NARS2: variants seen among roughly 807,000 people sequenced by gnomAD.
The protein encoded by NARS2 is asparaginyl-tRNA synthetase.
A neutral mutation model predicts 62.9 loss-of-function variants in NARS2; 60 were observed. That is an observed-to-expected ratio of 0.95 (90% confidence interval 0.77 to 1.18). The LOEUF (loss-of-function observed/expected upper bound fraction) is 1.18, where lower values mean the gene tolerates loss of function less well. Among genes scored for constraint, NARS2 ranks in the 50% most tolerant of loss-of-function variants. The pLI, the probability that NARS2 is intolerant of heterozygous loss-of-function variation, is 0.00. For synonymous variants in NARS2, 196 were observed against 200.0 expected, an observed-to-expected ratio of 0.98 and a Z score of 0.17; for missense variants, 619 against 576.4, an observed-to-expected ratio of 1.07 and a Z score of -0.76.
At chr11:78,494,330 G>C (rs1234549307) in intron 6 of NARS2, among the ~76,000 whole-genome samples, 2 of 152,126 alleles carry the variant, frequency 1.3e-5, no homozygotes, top group Non-Finnish European at 2.9e-5. Context: ...TTAGAACAAA[G>C]CAAGCTGTTT....
At position 78,451,653 on chromosome 11, in the gene NARS2, G is replaced by A. The variant is rs368892689; in HGVS notation, c.1165-7895C>T. 6.6e-5 allele frequency among the ~76,000 whole-genome samples: 10 copies of A among 152,134 alleles called. No individual in the cohort carries two copies. In the East Asian group the frequency reaches 9.6e-4, roughly 15 times the overall value. On this transcript the variant is annotated intron_variant, in intron 11 of 13. Transcript: ENST00000281038. ...GAATTAACTTTGATTAGGGAAAGTG[G>A]GGAAGGTTCATGAATAAATAAAAAG...
At chr11:78,515,136 G>A (rs1238081578) in intron 6 of NARS2, among the ~76,000 whole-genome samples, 4 of 152,176 alleles carry the variant, frequency 2.6e-5, no homozygotes, top group Non-Finnish European at 5.9e-5. Context: ...ATTAGTGACT[G>A]ACACACAGAA....
chr11:78,512,840 A>G (rs1860766579), intron 6 of NARS2, among the ~76,000 whole-genome samples: 1 of 152,202 alleles, frequency 6.6e-6, no homozygotes, highest in Non-Finnish European at 1.5e-5. Flanking sequence ...TACATAAGAT[A>G]TTGTGTACAG....
At chr11:78,437,855 A>T (rs1031443089) in intron 13 of NARS2, among the ~76,000 whole-genome samples, 1 of 151,664 alleles carries the variant, frequency 6.6e-6, no homozygotes, top group South Asian at 2.1e-4. Flanking sequence ...CCCGTCTGTA[A>T]TCCCAGCTAC....
intron 11 of NARS2, among the ~76,000 whole-genome samples, chr11:78,445,845 G>A (rs945118530): frequency 2.6e-5 from 4 of 151,966 alleles, no homozygotes; most frequent in East Asian, 1.9e-4. Flanking sequence ...CTGTGGTCCC[G>A]GCTACTTGTC....
At chr11:78,494,440 T>C (rs755031191) in intron 6 of NARS2, among the ~76,000 whole-genome samples, 7 of 150,744 alleles carry the variant, frequency 4.6e-5, no homozygotes, top group Non-Finnish European at 8.9e-5. Flanking sequence ...AATAGATGGA[T>C]TTTGTATATA....
In NARS2 at chr11:78,511,493, G is replaced by A. The variant is rs961543579; in HGVS notation, c.689+17349C>T. On this transcript the variant is annotated intron_variant, in intron 6 of 13. Transcript: ENST00000281038. ...AGCACTTTGGGAGGCCAAGACAGGC[G>A]GATCACAAAGTTAGGAGATTGAGAC... Among the ~76,000 whole-genome samples the A allele has an allele frequency of 5.3e-5, 8 of 152,106 alleles. No individual in the cohort carries two copies. The East Asian group carries it at 9.7e-4, about 18-fold the overall frequency.
At chr11:78,482,338 T>C (rs969153771) in intron 7 of NARS2, among the ~76,000 whole-genome samples, 5 of 151,654 alleles carry the variant, frequency 3.3e-5, no homozygotes, top group African/African-American at 1.2e-4. Context: ...TTAAAAGAAC[T>C]AGAGAAGCAA....
chr11:78,443,527 G>A, intron 12 of NARS2, 134 bp downstream of exon 12: 1 of 521,208 alleles, frequency 1.9e-6, no homozygotes. Context: ...CTTGCTCAAG[G>A]ACATAGAGAA....
chr11:78,534,067 T>C (rs568888303), intron 5 of NARS2, among the ~76,000 whole-genome samples: 1 of 152,370 alleles, frequency 6.6e-6, no homozygotes, highest in South Asian at 2.1e-4. Context: ...AAAAGGCATC[T>C]TGGTTGCTTC....
chr11:78,439,607 G>A (rs1470909450), intron 13 of NARS2, among the ~76,000 whole-genome samples: 8 of 152,032 alleles, frequency 5.3e-5, no homozygotes, highest in South Asian at 4.1e-4. Context: ...AACAAGACTC[G>A]GAGAGATTAA....
At chr11:78,454,901 G>A (rs924211527) in intron 11 of NARS2, among the ~76,000 whole-genome samples, 3 of 152,118 alleles carry the variant, frequency 2.0e-5, no homozygotes, top group African/African-American at 7.2e-5. Flanking sequence ...ACAAGCATGA[G>A]CCACCGTGCC....
intron 9 of NARS2, among the ~76,000 whole-genome samples, chr11:78,472,829 A>G (rs1227101734): frequency 6.6e-6 from 1 of 152,224 alleles, no homozygotes; most frequent in Admixed American, 6.5e-5. Flanking sequence ...ATGCCTTAAA[A>G]GGCATGTAAC....
intron 9 of NARS2, among the ~76,000 whole-genome samples, chr11:78,469,750 G>A (rs555815959): frequency 7.3e-4 from 108 of 148,476 alleles, no homozygotes; most frequent in Non-Finnish European, 1.3e-3. Context: ...ATGTGCGTGC[G>A]CGCATGTGTG....
intron 12 of NARS2, among the ~76,000 whole-genome samples, chr11:78,443,345 TA>T (rs998721914): frequency 7.0e-6 from 1 of 143,356 alleles, no homozygotes; most frequent in Non-Finnish European, 1.5e-5. Flanking sequence ...AAAAAAAAAT[TA>T]AAAAAAAATG....
rs1444590891 is a variant in NARS2, at chr11:78,452,857, C to T, written c.1165-9099G>A. Among the ~76,000 whole-genome samples the T allele has an allele frequency of 2.0e-5, 3 of 152,118 alleles. No homozygotes were observed. The South Asian group carries it at 6.2e-4, about 32-fold the overall frequency. On this transcript the variant is annotated intron_variant, in intron 11 of 13. Coordinates refer to ENST00000281038, the MANE Select transcript of NARS2 (RefSeq NM_024678.6). The stretch of plus-strand genomic sequence containing the variant: ...ATTTTTAAAAGTCCTTCTGAATGGA[C>T]AATCGTCTGTACTTTATGGAAAAAG...
intron 9 of NARS2, among the ~76,000 whole-genome samples, chr11:78,472,098 C>T (rs1027001796): frequency 1.3e-5 from 2 of 152,130 alleles, no homozygotes; most frequent in South Asian, 2.1e-4. Context: ...TGTTATTCCA[C>T]GTCTTCCACT....
In NARS2 at chr11:78,465,898, T is replaced by C. The variant is rs1565216037; in HGVS notation, c.1142A>G (p.Asn381Ser). ...LTLKPFYMRD[N>S]EDGPQHTVAA... ...TACCGTGTGCTGAGGGCCATCTTCA[T>C]TATCCCTCATGTAGAAAGGCTTGAG... is the stretch of plus-strand genomic sequence containing the variant. Residue 381 changes from asparagine (N) to serine (S), a missense_variant, in exon 11 of 14, where the codon AAT becomes AGT. By Grantham distance (46) the Asn-to-Ser change is conservative. Transcript: ENST00000281038. The C allele has an allele frequency of 2.0e-5, 32 of 1,614,164 alleles. No individual in the cohort carries two copies. The highest frequency in any genetic ancestry group is 2.7e-5 in the Non-Finnish European group (32 of 1,180,002).
intron 5 of NARS2, among the ~76,000 whole-genome samples, chr11:78,534,742 A>G (rs138056209): frequency 0.014 from 2,102 of 152,286 alleles, 34 homozygotes; most frequent in Non-Finnish European, 0.019. Context: ...ACCTGGGAAT[A>G]GCAGTTACTC....
Sources: allele counts gnomAD v4.1 joint callset (sites outside exome capture counted in the v4.1 genomes callset), GRCh38; gene constraint gnomAD v4.1.1; transcripts MANE v1.5; gene names NCBI Gene and HGNC (gene_info 2026-07-23, HGNC 2026-07-21).